DALRD3: variants seen among roughly 807,000 people sequenced by gnomAD.
DALRD3 encodes DALR anticodon-binding domain-containing protein 3.
In DALRD3, 47 loss-of-function variants were observed where a neutral mutation model predicts 56.7. That is an observed-to-expected ratio of 0.83 (90% CI 0.66 to 1.06). The LOEUF (loss-of-function observed/expected upper bound fraction) is 1.06, where lower values mean the gene tolerates loss of function less well. DALRD3 is among the 50% of genes least tolerant of loss of function. DALRD3 has a pLI of 0.00. For synonymous variants in DALRD3, 347 were observed against 308.5 expected, an observed-to-expected ratio of 1.12 and a Z score of -1.31; for missense variants, 787 against 724.0, an observed-to-expected ratio of 1.09 and a Z score of -1.00.
In DALRD3 at chr3:49,016,755, TC is replaced by T; in HGVS notation, c.1001+18del. ...TCATTACCCTGGCTTAGGTTGGTGTTCCTCCCAGCCTCACTCACTCGTAGTA... is the reference window on the plus strand; with the variant it reads ...TCATTACCCTGGCTTAGGTTGGTGTTCTCCCAGCCTCACTCACTCGTAGTA... On this transcript the variant is annotated intron_variant, in intron 6 of 11. Transcript: ENST00000341949. 6.2e-7 allele frequency: 1 copy of T among 1,614,026 alleles called. No individual in the cohort carries two copies. Among genetic ancestry groups the T allele is most frequent in the Non-Finnish European group, 8.5e-7 (1 of 1,179,970 alleles).
In DALRD3 at chr3:49,016,201, A is replaced by T; in HGVS notation, c.1286T>A (p.Phe429Tyr). The T allele has an allele frequency of 6.2e-7, 1 of 1,614,144 alleles. No individual in the cohort carries two copies. The highest frequency in any genetic ancestry group is 8.5e-7 in the Non-Finnish European group (1 of 1,180,018). ...GAAGTCCAGACTGCTCACAGGAGGA[A>T]AAGTGGGGTACAGACCTTGTTCCAT... The part of the protein sequence containing the change: ...CSMEQGLYPT[F>Y]PPVSSLDFSL... Residue 429 changes from phenylalanine to tyrosine, a missense_variant, in exon 9 of 12, where the codon TTT (phenylalanine) becomes TAT (tyrosine). Transcript: ENST00000341949.
chr3:49,021,334 C>T (rs1404270206), upstream of DALRD3: 3 of 152,548 alleles, frequency 2.0e-5, no homozygotes, highest in African/African-American at 4.8e-5. This position sits in a 1 kb window ranked among gnomAD's most constrained non-coding sequence, Gnocchi z 4.1. Context: ...GCCAGTAGGC[C>T]CTTGACTTGG....
chr3:49,017,486 G>T lies in DALRD3; in HGVS notation c.746C>A (p.Ala249Asp). 1.2e-6 allele frequency: 2 copies of T among 1,614,148 alleles called. No homozygotes were observed. Among genetic ancestry groups the T allele is most frequent in the Non-Finnish European group, 1.7e-6 (2 of 1,180,050 alleles). The change falls in exon 4 of 12, where the codon GCT becomes GAT. Residue 249 changes from alanine (A) to aspartate (D), a missense_variant. By Grantham distance (126) the Ala-to-Asp change is moderately radical. Coordinates refer to ENST00000341949, the MANE Select transcript of DALRD3 (RefSeq NM_001009996.3). Reference sequence around the variant, plus strand: ...ATGCCATAGAGCCTCTTGCAGCTCAGCCAGCACAGAGAGGAGATCCTCAGT... The same window carrying T: ...ATGCCATAGAGCCTCTTGCAGCTCATCCAGCACAGAGAGGAGATCCTCAGT... The part of the protein sequence containing the change: ...LVTEDLLSVL[A>D]ELQEALWHWP...
rs201156640 is a variant in DALRD3, at chr3:49,016,102, G to A, written c.1330-16C>T. ...ACCACTCACCCTGTTGGGGAGAAAG[G>A]TGCTGGGAGGGGAAGTCCAGGCCTC... On this transcript the variant is annotated splice_polypyrimidine_tract_variant and intron_variant, in intron 9 of 11. Coordinates refer to ENST00000341949, the MANE Select transcript of DALRD3 (RefSeq NM_001009996.3). 338 of 1,607,946 alleles carry A rather than the reference G, an allele frequency of 2.1e-4. No homozygotes were observed. The highest frequency in any genetic ancestry group is 2.8e-4 in the Non-Finnish European group (327 of 1,175,460).
At position 49,017,516 on chromosome 3, in the gene DALRD3, G is replaced by A. The variant is rs374219777; in HGVS notation, c.719-3C>T. On this transcript the variant is annotated splice_polypyrimidine_tract_variant and splice_region_variant and intron_variant, in intron 3 of 11. Coordinates refer to ENST00000341949, the MANE Select transcript of DALRD3 (RefSeq NM_001009996.3). ...CACAGAGAGGAGATCCTCAGTCACT[G>A]AAAAGAGAACAGACAGGTGCTGAGA... 15 of 1,614,068 alleles carry A rather than the reference G, an allele frequency of 9.3e-6. No individual in the cohort carries two copies. The African/African-American group carries it at 1.7e-4, about 19-fold the overall frequency.
At chr3:49,015,935 G>GAA in intron 10 of DALRD3, 38 bp downstream of exon 10, 2 of 1,614,164 alleles carry the variant, frequency 1.2e-6, no homozygotes, top group Non-Finnish European at 1.7e-6. Flanking sequence ...CCAGAATAAA[G>GAA]AATAGAGTGT....
Position 49,018,284 on chromosome 3 carries a change from A to C in DALRD3, c.200T>G (p.Leu67Arg), listed in dbSNP as rs1028648261. ...CACCGGGGCCACACCGGGGCCCTGC[A>C]GGCAGGCGAGGGCATGGAGCAAATG... ...PEHLLHALAC[L>R]QGPGVAPVLR... The change falls in exon 2 of 12, where the codon CTG (leucine) becomes CGG (arginine). Residue 67 changes from leucine to arginine, a missense_variant. Transcript: ENST00000341949. 6 of 1,449,010 alleles carry C rather than the reference A, an allele frequency of 4.1e-6. No individual in the cohort carries two copies. Among genetic ancestry groups the C allele is most frequent in the Non-Finnish European group, 4.5e-6 (5 of 1,108,628 alleles). The allele number at this position is 1,449,010 out of a possible 1,614,324, so 89.8% of individuals were successfully genotyped here.
chr3:49,017,457 G>A lies in DALRD3; in HGVS notation c.775C>T (p.Pro259Ser). The A allele has an allele frequency of 6.2e-7, 1 of 1,614,122 alleles. No individual in the cohort carries two copies. Among genetic ancestry groups the A allele is most frequent in the Non-Finnish European group, 8.5e-7 (1 of 1,180,030 alleles). ...ACCAGGCCTGGGTGGCTGTCCTCGG[G>A]CCAATGCCATAGAGCCTCTTGCAGC... ...AELQEALWHW[P>S]EDSHPGLAGA... Residue 259 changes from proline (P) to serine (S), a missense_variant, in exon 4 of 12, where the codon CCC (proline) becomes TCC (serine). Pro to Ser is a moderately conservative substitution (Grantham distance 74). Transcript: ENST00000341949.
chr3:49,019,074 T>C, upstream of DALRD3: 1 of 974,842 alleles, frequency 1.0e-6, no homozygotes, highest in African/African-American at 1.8e-5. Flanking sequence ...GAGATATGGG[T>C]GTTTTTTTGT....
At chr3:49,020,972 CGGT>C (rs1254142190), upstream of DALRD3, 4 of 165,126 alleles carry the variant, frequency 2.4e-5, no homozygotes, top group African/African-American at 9.6e-5. Context: ...GGTGCGGTGA[CGGT>C]GGTGGGGCGG....
intron 7 of DALRD3, 35 bp from the exon 8 acceptor site, chr3:49,016,546 G>C (rs1162528117): frequency 6.2e-7 from 1 of 1,606,442 alleles, no homozygotes; most frequent in Admixed American, 1.7e-5. Flanking sequence ...TCAGTCTGCA[G>C]GCAAGGGCAG....
At chr3:49,020,272 C>T (rs751862644), upstream of DALRD3, 1 of 529,776 alleles carries the variant, frequency 1.9e-6, no homozygotes, top group Non-Finnish European at 3.9e-6. Context: ...AACTGCTTAG[C>T]AGGGTTGGGA....
upstream of DALRD3, chr3:49,020,286 CTCAG>C (rs556671567): frequency 8.8e-3 from 4,556 of 518,148 alleles, 31 homozygotes; most frequent in Non-Finnish European, 0.013. Flanking sequence ...GTTGGGAACC[CTCAG>C]TCAAACTGAG....
At chr3:49,018,824 C>T (rs1301931447), upstream of DALRD3, 2 of 985,338 alleles carry the variant, frequency 2.0e-6, no homozygotes, top group African/African-American at 3.5e-5. Flanking sequence ...CAGGCCTTAA[C>T]CAGGAAAAGG....
At chr3:49,017,031 A>G in intron 5 of DALRD3, 184 bp from the exon 6 acceptor site, 1 of 955,346 alleles carries the variant, frequency 1.0e-6, no homozygotes, top group African/African-American at 1.6e-5. Flanking sequence ...CCTGGTCTTC[A>G]GTGTTCTTGG....
At position 49,016,074 on chromosome 3, in the gene DALRD3, AC is replaced by A. The variant is rs749090054; in HGVS notation, c.1341del (p.Leu447PhefsTer14). On this transcript the variant is annotated frameshift_variant, in exon 10 of 12. Coordinates refer to ENST00000341949, the MANE Select transcript of DALRD3 (RefSeq NM_001009996.3). LOFTEE classifies it high-confidence loss of function. Reference protein sequence around the residue: ...FSLLHDEGEWLLLFNSILPFP... With the variant: ...FSLLHDEGEWXLLFNSILPFP... The stretch of plus-strand genomic sequence containing the variant: ...AAGGGGAGGATACTGTTGAAGAGCA[AC>A]AACCACTCACCCTGTTGGGGAGAAA... 1.9e-6 allele frequency: 3 copies of A among 1,602,700 alleles called. No individual in the cohort carries two copies. The South Asian group carries it at 3.3e-5, about 18-fold the overall frequency.
chr3:49,018,285 G>A lies in DALRD3; in HGVS notation c.199C>T (p.Leu67=), dbSNP rs1266679781. The A allele has an allele frequency of 2.8e-6, 4 of 1,449,372 alleles. No individual in the cohort carries two copies. Among genetic ancestry groups the A allele is most frequent in the South Asian group, 1.5e-5 (1 of 68,798 alleles). The allele number at this position is 1,449,372 out of a possible 1,614,324, so 89.8% of individuals were successfully genotyped here. Residue 67 remains leucine (L), a synonymous_variant, in exon 2 of 12, where the codon CTG becomes TTG. Transcript: ENST00000341949. ...ACCGGGGCCACACCGGGGCCCTGCA[G>A]GCAGGCGAGGGCATGGAGCAAATGC... ...PEHLLHALAC[L]QGPGVAPVLR...
At position 49,016,846 on chromosome 3, in the gene DALRD3, T is replaced by TTCTG; in HGVS notation, c.928-3_928dup (p.Lys310ThrfsTer23). 6.2e-7 allele frequency: 1 copy of TTCTG among 1,614,212 alleles called. No homozygotes were observed. Among genetic ancestry groups the TTCTG allele is most frequent in the Non-Finnish European group, 8.5e-7 (1 of 1,180,036 alleles). On this transcript the variant is annotated frameshift_variant and splice_region_variant, in exon 6 of 12. Transcript: ENST00000341949. LOFTEE classifies it high-confidence loss of function. ...TTTCACAGGGCCACAGATGAGGTGC[T>TTCTG]TCTGTCAGAAAGATGTCAGGGGCTC...
rs2093103633 is a variant in DALRD3, at chr3:49,017,598, G to A, written c.718+15C>T. 1 of 1,614,020 alleles carries A rather than the reference G, an allele frequency of 6.2e-7. No homozygotes were observed. The highest frequency in any genetic ancestry group is 8.5e-7 in the Non-Finnish European group (1 of 1,179,916). ...CCTCCTGCCTTTTCTGGCCCTGCTA[G>A]GCTTCAGGTCCTACCCAGACAGTTG... On this transcript the variant is annotated intron_variant, in intron 3 of 11. Coordinates refer to ENST00000341949, the MANE Select transcript of DALRD3 (RefSeq NM_001009996.3).
Sources: allele counts gnomAD v4.1 joint callset, GRCh38; gene constraint gnomAD v4.1.1; non-coding constraint Gnocchi (gnomAD v3.1); transcripts MANE v1.5; gene names NCBI Gene and HGNC (gene_info 2026-07-23, HGNC 2026-07-21).